The following MIPEP variants were observed in gnomAD, a reference collection of about 807,000 sequenced individuals.
The protein encoded by MIPEP is mitochondrial intermediate peptidase.
A neutral mutation model predicts 90.3 loss-of-function variants in MIPEP; 79 were observed. The observed-to-expected ratio is 0.87, with a 90% CI of 0.73 to 1.05. The LOEUF (loss-of-function observed/expected upper bound fraction) is 1.05. Among genes scored for constraint, MIPEP ranks in the 50% least tolerant of loss-of-function variants. The probability of loss-of-function intolerance (pLI) is 0.00; values close to 1 mark genes in which losing one functional copy is unlikely to be tolerated. For synonymous variants in MIPEP, 334 were observed against 315.8 expected, an observed-to-expected ratio of 1.06 and a Z score of -0.61; for missense variants, 940 against 905.6, an observed-to-expected ratio of 1.04 and a Z score of -0.49.
chr13:23,879,002 A>T (rs1168663768), intron 4 of MIPEP, among the ~76,000 whole-genome samples: 1 of 152,232 alleles, frequency 6.6e-6, no homozygotes, highest in African/African-American at 2.4e-5. Context: ...GATGATAGAC[A>T]AATAAACAAA....
At chr13:23,758,173 C>G (rs1255281952) in intron 17 of MIPEP, among the ~76,000 whole-genome samples, 4 of 152,184 alleles carry the variant, frequency 2.6e-5, no homozygotes, top group African/African-American at 9.7e-5. Context: ...GACTCCCGAC[C>G]TGGGGTGCTC....
At chr13:23,862,816 T>C (rs1042827714) in intron 8 of MIPEP, among the ~76,000 whole-genome samples, 45 of 152,330 alleles carry the variant, frequency 3.0e-4, no homozygotes, top group African/African-American at 1.1e-3. Context: ...TATTTAATAT[T>C]TGTAGAATAT....
chr13:23,845,288 C>G (rs77480931), intron 10 of MIPEP, among the ~76,000 whole-genome samples: 1 of 152,144 alleles, frequency 6.6e-6, no homozygotes, highest in South Asian at 2.1e-4. Flanking sequence ...TGACAAAGCT[C>G]ATTTCATGCA....
chr13:23,801,734 T>A (rs1368201398), intron 16 of MIPEP, among the ~76,000 whole-genome samples: 1 of 152,244 alleles, frequency 6.6e-6, no homozygotes, highest in Non-Finnish European at 1.5e-5. Flanking sequence ...CTTTACCTTA[T>A]GCTTGTTAGG....
chr13:23,775,111 G>C (rs9578641), intron 16 of MIPEP, among the ~76,000 whole-genome samples: 1,558 of 6,982 alleles, frequency 0.22, 38 homozygotes, highest in African/African-American at 0.4. Flanking sequence ...TCAGTTCTCT[G>C]TGTGTGTGTG....
At chr13:23,856,247 A>C (rs1870043828) in intron 10 of MIPEP, among the ~76,000 whole-genome samples, 1 of 152,232 alleles carries the variant, frequency 6.6e-6, no homozygotes, top group Non-Finnish European at 1.5e-5. Context: ...ACAGATGTGT[A>C]AGACAAACCA....
At chr13:23,791,618 T>C (rs1593156635) in intron 16 of MIPEP, among the ~76,000 whole-genome samples, 1 of 152,216 alleles carries the variant, frequency 6.6e-6, no homozygotes, top group African/African-American at 2.4e-5. Flanking sequence ...TATTCTCCCC[T>C]GCATCACTGG....
At chr13:23,818,686 G>C (rs781194270) in intron 14 of MIPEP, among the ~76,000 whole-genome samples, 2 of 152,234 alleles carry the variant, frequency 1.3e-5, no homozygotes, top group African/African-American at 2.4e-5. Flanking sequence ...AACAGCCTGT[G>C]ATTGGCTGAA....
intron 16 of MIPEP, among the ~76,000 whole-genome samples, chr13:23,799,928 T>G (rs998055788): frequency 1.3e-5 from 2 of 152,220 alleles, no homozygotes; most frequent in African/African-American, 4.8e-5. Context: ...GACGTATTAT[T>G]ATATTTTCAT....
At chr13:23,765,194 G>C (rs576306204) in intron 16 of MIPEP, among the ~76,000 whole-genome samples, 2 of 152,234 alleles carry the variant, frequency 1.3e-5, no homozygotes, top group African/African-American at 4.8e-5. Context: ...TCCATGCTCG[G>C]GGGGTGGGTC....
At chr13:23,777,772 A>G (rs565441444) in intron 16 of MIPEP, among the ~76,000 whole-genome samples, 1 of 152,216 alleles carries the variant, frequency 6.6e-6, no homozygotes, top group African/African-American at 2.4e-5. Flanking sequence ...AAATAAGCAA[A>G]CTCCACTGCA....
intron 14 of MIPEP, among the ~76,000 whole-genome samples, chr13:23,813,807 G>A (rs1378531400): frequency 6.6e-6 from 1 of 152,062 alleles, no homozygotes; most frequent in Non-Finnish European, 1.5e-5. Context: ...CCACAGATGC[G>A]GAACCCACAG....
intron 16 of MIPEP, among the ~76,000 whole-genome samples, chr13:23,770,945 C>T (rs1056982990): frequency 7.2e-5 from 11 of 152,178 alleles, no homozygotes; most frequent in African/African-American, 1.4e-4. Flanking sequence ...CTGCATGGCG[C>T]ATAAACACTA....
At chr13:23,808,567 G>A (rs1593166622) in intron 15 of MIPEP, among the ~76,000 whole-genome samples, 1 of 152,138 alleles carries the variant, frequency 6.6e-6, no homozygotes, top group African/African-American at 2.4e-5. Flanking sequence ...GGAGGGCGGA[G>A]GAGGGAAAGG....
intron 18 of MIPEP, among the ~76,000 whole-genome samples, chr13:23,739,021 A>T (rs1952295612): frequency 6.6e-6 from 1 of 152,264 alleles, no homozygotes; most frequent in Non-Finnish European, 1.5e-5. Flanking sequence ...TCAACTGGCA[A>T]CTATAACTTG....
At chr13:23,812,716 A>G (rs989465985) in intron 14 of MIPEP, among the ~76,000 whole-genome samples, 1 of 152,134 alleles carries the variant, frequency 6.6e-6, no homozygotes, top group Non-Finnish European at 1.5e-5. Context: ...AAATGCTACC[A>G]CTGGAGAAAA....
chr13:23,806,190 C>A, intron 15 of MIPEP, 121 bp from the exon 16 acceptor site: 1 of 969,268 alleles, frequency 1.0e-6, no homozygotes, highest in Non-Finnish European at 1.6e-6. Context: ...AAAACAGTCA[C>A]AAAAATAAAC....
rs777534792 is a variant in MIPEP at position 23,841,457 on chromosome 13, A to AG, written c.1137_1138insC (p.Phe380LeufsTer16). ...TCCATGCATGCTCCAAGAGAGAAAA[A>AG]CGGGCAATATAGGCTGGGCTCAATA... is the stretch of plus-strand genomic sequence containing the variant. On this transcript the variant is annotated frameshift_variant, in exon 11 of 19. Coordinates refer to ENST00000382172, the MANE Select transcript of MIPEP (RefSeq NM_005932.4). LOFTEE classifies it high-confidence loss of function. The AG allele has an allele frequency of 2.5e-5, 41 of 1,613,778 alleles. No homozygotes were observed. Among genetic ancestry groups the AG allele is most frequent in the Admixed American group, 6.7e-5 (4 of 59,902 alleles).
At chr13:23,762,540 C>T (rs764286251) in intron 16 of MIPEP, among the ~76,000 whole-genome samples, 1 of 152,192 alleles carries the variant, frequency 6.6e-6, no homozygotes, top group Non-Finnish European at 1.5e-5. Context: ...CTCAGAGACA[C>T]ACTGCACCTC....
Sources: gnomAD v4.1 joint callset for allele counts (sites outside exome capture counted in the v4.1 genomes callset) on GRCh38, gnomAD v4.1.1 for gene constraint, MANE v1.5 for transcripts, NCBI Gene and HGNC (gene_info 2026-07-23, HGNC 2026-07-21) for gene names.